TUBB8: variants seen among roughly 807,000 people sequenced by gnomAD.
The protein encoded by TUBB8 is tubulin beta 8 class VIII.
TUBB8 carries 25 observed loss-of-function variants against 33.7 expected under a neutral mutation model. The ratio of observed to expected loss-of-function variants is 0.74; its 90% confidence interval spans 0.54 to 1.04. The LOEUF (loss-of-function observed/expected upper bound fraction) is 1.04. TUBB8 is among the 50% of genes least tolerant of loss of function. TUBB8 has a pLI of 0.00. For synonymous variants in TUBB8, 245 were observed against 240.1 expected (o/e 1.02, Z -0.19); for missense variants, 279 against 608.0 (o/e 0.46, Z 5.69).
exon 1 of TUBB8, chr10:73,980 T>G (rs1554742740): frequency 6.5e-6 from 1 of 154,626 alleles, no homozygotes; most frequent in Non-Finnish European, 1.5e-5. Context: ...TTTGCCTCGG[T>G]GTCCCGGAGC....
chr10:73,411 T>C (rs1834763207), intron 1 of TUBB8, among the ~76,000 whole-genome samples: 1 of 152,148 alleles, frequency 6.6e-6, no homozygotes, highest in Non-Finnish European at 1.5e-5. Context: ...GAGGCCGAGG[T>C]GGGTGAATCA....
At chr10:49,308 C>G (rs56184415), upstream of TUBB8, 60,776 of 1,503,624 alleles carry the variant, frequency 0.04, 3,183 homozygotes, top group African/African-American at 0.25. Context: ...ACCCAGCCCG[C>G]CCTCCGCCAA....
At position 48,587 on chromosome 10, in the gene TUBB8, C is replaced by T. The variant is rs369280325; in HGVS notation, c.277+28G>A. ...TTTTGAGCTGCCCTGGCTAAGGAGC[C>T]GCACCCCAGTCCTCGCCCGCAGCTC... On this transcript the variant is annotated intron_variant, in intron 3 of 3. Coordinates refer to ENST00000568584, the MANE Select transcript of TUBB8 (RefSeq NM_177987.3). The T allele has an allele frequency of 1.5e-5, 24 of 1,581,992 alleles. No homozygotes were observed. The African/African-American group carries it at 2.6e-4, about 17-fold the overall frequency.
At chr10:76,427 T>G (rs1239445908), upstream of TUBB8, among the ~76,000 whole-genome samples, 1 of 151,998 alleles carries the variant, frequency 6.6e-6, no homozygotes, top group Non-Finnish European at 1.5e-5. Context: ...CCGCGCTCGC[T>G]CCGCTGCACT....
chr10:75,352 A>G (rs1320347142), upstream of TUBB8, among the ~76,000 whole-genome samples: 2 of 142,874 alleles, frequency 1.4e-5, no homozygotes, highest in Admixed American at 7.0e-5. Flanking sequence ...TTCTCTCTTA[A>G]AACAAAACAA....
At chr10:49,109 C>T (rs1204074757) in intron 1 of TUBB8, 73 bp downstream of exon 1, 39 of 1,484,382 alleles carry the variant, frequency 2.6e-5, no homozygotes, top group Middle Eastern at 4.8e-4. Flanking sequence ...TGGGCACCGC[C>T]CCCGCCACTG....
intron 1 of TUBB8, among the ~76,000 whole-genome samples, chr10:65,414 T>C (rs1834658098): frequency 6.6e-6 from 1 of 152,250 alleles, no homozygotes; most frequent in African/African-American, 2.4e-5. Flanking sequence ...CAATGTCTAG[T>C]ATAATTATTC....
chr10:51,904 A>G (rs1191371216), upstream of TUBB8, among the ~76,000 whole-genome samples: 6 of 152,204 alleles, frequency 3.9e-5, no homozygotes, highest in African/African-American at 1.2e-4. Flanking sequence ...TAAGGAAAGT[A>G]AAAGCTAAAC....
chr10:48,675 T>G lies in TUBB8; in HGVS notation c.217A>C (p.Met73Leu). The change falls in exon 3 of 4, where the codon ATG becomes CTG. Residue 73 changes from methionine (M) to leucine (L), a missense_variant. This residue lies in a region of TUBB8 where 96 missense variants were observed against 233.7 expected (regional missense o/e 0.41). Transcript: ENST00000568584. ...AVLVDLEPGT[M>L]DSVRSGPFGQ... Reference sequence around the variant, plus strand: ...AAGGGCCCCGAGCGCACAGAGTCCATGGTGCCCGGCTCCAGATCCACGAGC... The same window carrying G: ...AAGGGCCCCGAGCGCACAGAGTCCAGGGTGCCCGGCTCCAGATCCACGAGC... 1.9e-6 allele frequency: 3 copies of G among 1,612,112 alleles called. No homozygotes were observed. The highest frequency in any genetic ancestry group is 2.5e-6 in the Non-Finnish European group (3 of 1,179,826).
intron 1 of TUBB8, 101 bp downstream of exon 1, chr10:49,081 C>A (rs1834423779): frequency 1.4e-5 from 19 of 1,387,598 alleles, no homozygotes; most frequent in Non-Finnish European, 1.9e-5. Flanking sequence ...CGGCAGGGAG[C>A]CCAGGGGCCG....
chr10:62,730 G>C (rs1339696174), intron 1 of TUBB8, among the ~76,000 whole-genome samples: 1 of 152,178 alleles, frequency 6.6e-6, no homozygotes, highest in Non-Finnish European at 1.5e-5. Flanking sequence ...TCATTTCTCT[G>C]TCAAGTTTAA....
At chr10:48,942 C>T (rs1388907364) in intron 1 of TUBB8, 30 bp from the exon 2 acceptor site, 7 of 1,421,052 alleles carry the variant, frequency 4.9e-6, no homozygotes, top group Admixed American at 2.0e-5. Context: ...ACAGACAGGC[C>T]GGGGCTGAGT....
chr10:55,559 G>A (rs369141591), intron 1 of TUBB8, among the ~76,000 whole-genome samples: 1 of 152,178 alleles, frequency 6.6e-6, no homozygotes, highest in Non-Finnish European at 1.5e-5. Flanking sequence ...AGAAATTTTT[G>A]CTCAAACCAT....
At position 48,592 on chromosome 10, in the gene TUBB8, C is replaced by T. The variant is rs781992462; in HGVS notation, c.277+23G>A. 7 of 1,595,564 alleles carry T rather than the reference C, an allele frequency of 4.4e-6. No homozygotes were observed. In the African/African-American group the frequency reaches 9.4e-5, roughly 21 times the overall value. On this transcript the variant is annotated intron_variant, in intron 3 of 3. Coordinates refer to ENST00000568584, the MANE Select transcript of TUBB8 (RefSeq NM_177987.3). ...AGCTGCCCTGGCTAAGGAGCCGCACCCCAGTCCTCGCCCGCAGCTCACCGA... is the reference window on the plus strand; with the variant it reads ...AGCTGCCCTGGCTAAGGAGCCGCACTCCAGTCCTCGCCCGCAGCTCACCGA...
chr10:76,007 C>T (rs1554743159), upstream of TUBB8, among the ~76,000 whole-genome samples: 1 of 151,456 alleles, frequency 6.6e-6, no homozygotes, highest in East Asian at 2.0e-4. Context: ...GGCGTGATGG[C>T]GGGTCCCTGT....
intron 1 of TUBB8, among the ~76,000 whole-genome samples, chr10:69,608 G>A (rs1440120792): frequency 2.9e-4 from 44 of 149,224 alleles, no homozygotes; most frequent in African/African-American, 1.0e-3. Context: ...GGCAAATGGC[G>A]TAACTAATTA....
chr10:55,675 A>AT (rs531378139), intron 1 of TUBB8, among the ~76,000 whole-genome samples: 2 of 152,246 alleles, frequency 1.3e-5, no homozygotes, highest in African/African-American at 2.4e-5. Context: ...GTGGCAAGAA[A>AT]TAGGGTTCCA....
intron 1 of TUBB8, among the ~76,000 whole-genome samples, chr10:63,358 G>A (rs1445061442): frequency 4.6e-5 from 7 of 152,242 alleles, no homozygotes; most frequent in Non-Finnish European, 1.0e-4. Flanking sequence ...TTACAGGCGT[G>A]AGCCACTGCA....
chr10:49,054 C>A, intron 1 of TUBB8, 128 bp downstream of exon 1: 2 of 1,321,700 alleles, frequency 1.5e-6, no homozygotes, highest in Non-Finnish European at 1.0e-6. Flanking sequence ...TCGCCAGCCA[C>A]CCGGTTCCAC....
Sources: gnomAD v4.1 joint callset for allele counts (sites outside exome capture counted in the v4.1 genomes callset) on GRCh38, gnomAD v4.1.1 for gene constraint, gnomAD v4.1.1 regional missense constraint, MANE v1.5 for transcripts, NCBI Gene and HGNC (gene_info 2026-07-23, HGNC 2026-07-21) for gene names.